The following HDAC9 variants were observed in gnomAD, a reference collection of about 807,000 sequenced individuals.
The protein encoded by HDAC9 is histone deacetylase 9.
HDAC9 carries 41 observed loss-of-function variants against 139.4 expected under a neutral mutation model. The observed-to-expected ratio is 0.29, with a 90% CI of 0.23 to 0.38. The LOEUF (loss-of-function observed/expected upper bound fraction) is 0.38. HDAC9 is among the 10% of genes least tolerant of loss of function. HDAC9 has a pLI of 1.00. For missense variants in HDAC9, 1,147 were observed against 1,297.0 expected (o/e 0.88, Z 1.78); for synonymous variants, 517 against 476.2 (o/e 1.09, Z -1.12).
At chr7:18,322,981 A>C (rs1800141177) in intron 1 of HDAC9, among the ~76,000 whole-genome samples, 1 of 152,158 alleles carries the variant, frequency 6.6e-6, no homozygotes. Context: ...AAAGTATGAC[A>C]GGGAAAAGAA....
At chr7:18,827,450 A>C (rs919633834) in intron 17 of HDAC9, among the ~76,000 whole-genome samples, 1 of 152,100 alleles carries the variant, frequency 6.6e-6, no homozygotes, top group African/African-American at 2.4e-5. Context: ...TATCTAATGA[A>C]TTATCCTTCT....
intron 11 of HDAC9, among the ~76,000 whole-genome samples, chr7:18,659,815 CT>C (rs2129057751): frequency 1.3e-5 from 2 of 152,266 alleles, no homozygotes; most frequent in Admixed American, 1.3e-4. Flanking sequence ...GCACATTTAT[CT>C]GTCCCACAGA....
At chr7:18,312,368 C>T (rs142680598) in intron 1 of HDAC9, among the ~76,000 whole-genome samples, 11 of 152,064 alleles carry the variant, frequency 7.2e-5, no homozygotes, top group Admixed American at 1.3e-4. Flanking sequence ...GTGTGAGTAT[C>T]TGTAGTAAAC....
At chr7:18,267,364 C>T (rs1562813943) in intron 2 of HDAC9, among the ~76,000 whole-genome samples, 1 of 152,060 alleles carries the variant, frequency 6.6e-6, no homozygotes, top group Admixed American at 6.6e-5. Context: ...GCTATAGTCA[C>T]CATGACGTAC....
At chr7:18,135,056 A>T (rs563369735) in intron 1 of HDAC9, among the ~76,000 whole-genome samples, 8 of 152,240 alleles carry the variant, frequency 5.3e-5, no homozygotes, top group African/African-American at 1.9e-4. Flanking sequence ...AATGGTAGTG[A>T]TATAATGAGT....
intron 2 of HDAC9, among the ~76,000 whole-genome samples, chr7:18,564,861 A>C (rs1052987627): frequency 6.6e-6 from 1 of 152,004 alleles, no homozygotes; most frequent in Non-Finnish European, 1.5e-5. Flanking sequence ...TGTTTCCTCT[A>C]CTTGCCCTTA....
chr7:18,992,905 T>TATC (rs1786104962), intron 25 of HDAC9, among the ~76,000 whole-genome samples: 1 of 152,230 alleles, frequency 6.6e-6, no homozygotes, highest in African/African-American at 2.4e-5. Flanking sequence ...ATTTTATAGT[T>TATC]ATCTCCGAAC....
intron 2 of HDAC9, among the ~76,000 whole-genome samples, chr7:18,529,461 A>G (rs560858995): frequency 6.0e-4 from 91 of 152,338 alleles, no homozygotes; most frequent in African/African-American, 2.1e-3. Context: ...TTAGTTTGGT[A>G]TTTACATGAA....
intron 1 of HDAC9, among the ~76,000 whole-genome samples, chr7:18,325,817 C>T (rs1412307676): frequency 6.6e-6 from 1 of 152,000 alleles, no homozygotes; most frequent in Non-Finnish European, 1.5e-5. Context: ...AATACTTATA[C>T]CTGTGTAACA....
intron 11 of HDAC9, among the ~76,000 whole-genome samples, chr7:18,650,736 T>A (rs893469849): frequency 6.6e-6 from 1 of 152,214 alleles, no homozygotes; most frequent in Non-Finnish European, 1.5e-5. Context: ...CCTATACTTT[T>A]AGGTACATGT....
At chr7:18,464,868 C>G (rs1380456734) in intron 1 of HDAC9, among the ~76,000 whole-genome samples, 1 of 151,956 alleles carries the variant, frequency 6.6e-6, no homozygotes, top group African/African-American at 2.4e-5. Context: ...ATTGTCAAAC[C>G]TTTGTTTAGC....
At chr7:18,334,137 T>C (rs1009735220) in intron 1 of HDAC9, among the ~76,000 whole-genome samples, 2 of 151,466 alleles carry the variant, frequency 1.3e-5, no homozygotes, top group African/African-American at 4.8e-5. Flanking sequence ...ATTTAATGAA[T>C]AGAAGTTGCT....
intron 1 of HDAC9, among the ~76,000 whole-genome samples, chr7:18,117,295 G>T (rs893743122): frequency 1.4e-4 from 21 of 151,968 alleles, no homozygotes; most frequent in Admixed American, 9.2e-4. Context: ...GACCTTCCTG[G>T]CTAACACGGT....
intron 9 of HDAC9, among the ~76,000 whole-genome samples, chr7:18,646,322 A>ATG (rs1372099835): frequency 6.6e-6 from 1 of 152,134 alleles, no homozygotes; most frequent in Non-Finnish European, 1.5e-5. Flanking sequence ...CCAAAGGACC[A>ATG]AGTACTAAAG....
chr7:18,375,973 T>C (rs556843741), intron 1 of HDAC9, among the ~76,000 whole-genome samples: 20 of 152,358 alleles, frequency 1.3e-4, no homozygotes, highest in African/African-American at 4.6e-4. Flanking sequence ...TTGTAATAGT[T>C]TTTATATGCA....
chr7:18,410,576 A>G (rs969610918), intron 1 of HDAC9, among the ~76,000 whole-genome samples: 10 of 152,232 alleles, frequency 6.6e-5, no homozygotes, highest in African/African-American at 2.2e-4. Context: ...AATGTACTAT[A>G]TTTTAATAAA....
chr7:18,589,259 C>T (rs931059556), intron 3 of HDAC9, among the ~76,000 whole-genome samples: 2 of 152,232 alleles, frequency 1.3e-5, no homozygotes, highest in African/African-American at 4.8e-5. Flanking sequence ...GGCAAGGTGG[C>T]TCACACCCGT....
chr7:18,325,557 G>A lies in HDAC9; in HGVS notation c.-42+35042G>A, dbSNP rs562087610. ...GCCCAGGCTGGTATCAAACTCCAGT[G>A]ATCAAGTGGTCCTCCTACCTCAGCC... On this transcript the variant is annotated intron_variant, in intron 1 of 3. Coordinates refer to the HDAC9 transcript ENST00000413509. The A allele has an allele frequency of 1.2e-4, 19 of 152,050 alleles. No homozygotes were observed. The East Asian group carries it at 3.5e-3, about 28-fold the overall frequency. 9.4% of individuals were successfully genotyped at this position (152,050 alleles called of 1,614,324 possible).
intron 2 of HDAC9, among the ~76,000 whole-genome samples, chr7:18,197,027 C>T (rs539552698): frequency 6.6e-6 from 1 of 152,210 alleles, no homozygotes; most frequent in Admixed American, 6.5e-5. Context: ...GGGCCTCATG[C>T]AATTGGTTGA....
Sources: gnomAD v4.1 joint callset for allele counts (sites outside exome capture counted in the v4.1 genomes callset) on GRCh38, gnomAD v4.1.1 for gene constraint, MANE v1.5 for transcripts, NCBI Gene and HGNC (gene_info 2026-07-23, HGNC 2026-07-21) for gene names.